Variants in DIPK1B observed in about 807,000 individuals in gnomAD.
The protein encoded by DIPK1B is divergent protein kinase domain 1B.
A neutral mutation model predicts 20.7 loss-of-function variants in DIPK1B; 17 were observed. The observed-to-expected ratio is 0.82, with a 90% CI of 0.56 to 1.23. The LOEUF (loss-of-function observed/expected upper bound fraction) is 1.23. DIPK1B is among the 50% of genes most tolerant of loss of function. The pLI is 0.00. For missense variants in DIPK1B, 648 were observed against 601.8 expected (o/e 1.08, Z -0.80); for synonymous variants, 343 against 276.5 (o/e 1.24, Z -2.39).
chr9:136,723,744 G>A lies in DIPK1B; in HGVS notation c.1266G>A (p.Trp422Ter). 1.3e-6 allele frequency: 2 copies of A among 1,534,690 alleles called. No individual in the cohort carries two copies. Among genetic ancestry groups the A allele is most frequent in the African/African-American group, 1.4e-5 (1 of 73,106 alleles). ...LVLSHLKTLL[W>*]KKISNTKYS ...TCAGCCACCTCAAGACTCTGCTCTG[G>A]AAGAAGATCTCCAACACCAAGTACT... Residue 422 changes from tryptophan (W) to a stop codon, truncating the protein, a stop_gained, in exon 5 of 5, where the codon TGG becomes TGA. Coordinates refer to ENST00000371692, the MANE Select transcript of DIPK1B (RefSeq NM_152421.4). LOFTEE classifies it high-confidence loss of function.
intron 2 of DIPK1B, among the ~76,000 whole-genome samples, chr9:136,719,223 G>T (rs1166286483): frequency 6.6e-6 from 1 of 152,142 alleles, no homozygotes; most frequent in South Asian, 2.1e-4. Flanking sequence ...GTGCCGGGCC[G>T]CAAAGCAGGA....
At chr9:136,715,758 C>T (rs938432158) in intron 1 of DIPK1B, among the ~76,000 whole-genome samples, 2 of 152,174 alleles carry the variant, frequency 1.3e-5, no homozygotes, top group South Asian at 2.1e-4. Context: ...AGGTGATCTG[C>T]CTGCCTCGGC....
Position 136,712,839 on chromosome 9 carries a change from G to T in DIPK1B, c.63+111G>T. Reference sequence around the variant, plus strand: ...GGGGCCCCGGGTTCGGACACGAAGGGTTCATGAGCCCGGGGTGGGCAGCGG... The same window carrying T: ...GGGGCCCCGGGTTCGGACACGAAGGTTTCATGAGCCCGGGGTGGGCAGCGG... On this transcript the variant is annotated intron_variant, in intron 1 of 4. Coordinates refer to ENST00000371692, the MANE Select transcript of DIPK1B (RefSeq NM_152421.4). The surrounding 1 kb of genome is among the most constrained non-coding windows in gnomAD (Gnocchi z 5.6). 1.6e-6 allele frequency: 1 copy of T among 639,236 alleles called. No individual in the cohort carries two copies. Among genetic ancestry groups the T allele is most frequent in the Non-Finnish European group, 2.2e-6 (1 of 464,784 alleles). 39.6% of individuals were successfully genotyped at this position (639,236 alleles called of 1,614,324 possible).
rs765749116 is a variant in DIPK1B, at chr9:136,723,099, G to A, written c.621G>A (p.Leu207=). The change falls in exon 5 of 5, where the codon CTG becomes CTA. Residue 207 remains leucine (L), a synonymous_variant. Coordinates refer to ENST00000371692, the MANE Select transcript of DIPK1B (RefSeq NM_152421.4). ...CCCTGCTGCAGCGTAACGAGTTCCTGCTGCTGCTGTCCCTGCAGGAGAAGG... is the reference window on the plus strand; with the variant it reads ...CCCTGCTGCAGCGTAACGAGTTCCTACTGCTGCTGTCCCTGCAGGAGAAGG... ...VWALLQRNEF[L]LLLSLQEKEH... 1.2e-6 allele frequency: 2 copies of A among 1,613,518 alleles called. No homozygotes were observed. Among genetic ancestry groups the A allele is most frequent in the Non-Finnish European group, 1.7e-6 (2 of 1,180,004 alleles).
At position 136,717,719 on chromosome 9, in the gene DIPK1B, T is replaced by C; in HGVS notation, c.198+8T>C. 6.2e-7 allele frequency: 1 copy of C among 1,610,880 alleles called. No homozygotes were observed. Among genetic ancestry groups the C allele is most frequent in the Non-Finnish European group, 8.5e-7 (1 of 1,179,888 alleles). On this transcript the variant is annotated splice_region_variant and intron_variant, in intron 2 of 4. Coordinates refer to ENST00000371692, the MANE Select transcript of DIPK1B (RefSeq NM_152421.4). ...GTCTGCCAGGTGGTCATTGTAAGTG[T>C]TGCTTGTGCGGGCTGGGGACTGGGC...
rs774951699 is a variant in DIPK1B, at chr9:136,723,208, C to T, written c.730C>T (p.Leu244Phe). 11 of 1,612,338 alleles carry T rather than the reference C, an allele frequency of 6.8e-6. No individual in the cohort carries two copies. Among genetic ancestry groups the T allele is most frequent in the Non-Finnish European group, 9.3e-6 (11 of 1,179,776 alleles). The change falls in exon 5 of 5, where the codon CTT (leucine) becomes TTT (phenylalanine). Residue 244 changes from leucine to phenylalanine, a missense_variant. By Grantham distance (22) the Leu-to-Phe change is conservative (BLOSUM62 0). Coordinates refer to ENST00000371692, the MANE Select transcript of DIPK1B (RefSeq NM_152421.4). Reference sequence around the variant, plus strand: ...GCATGGCGCCTGGCACGCGGCCGCCCTTCCACCCCTGTTGCGCCCACTGCT... The same window carrying T: ...GCATGGCGCCTGGCACGCGGCCGCCTTTCCACCCCTGTTGCGCCCACTGCT... Reference protein sequence around the residue: ...VPHGAWHAAALPPLLRPLLPP... With the variant: ...VPHGAWHAAAFPPLLRPLLPP...
intron 1 of DIPK1B, among the ~76,000 whole-genome samples, chr9:136,714,478 G>A (rs955106323): frequency 1.3e-5 from 2 of 152,132 alleles, no homozygotes; most frequent in Non-Finnish European, 2.9e-5. Flanking sequence ...TCAGCCCTAG[G>A]CCCGAGGCCA....
Position 136,723,292 on chromosome 9 carries a change from G to A in DIPK1B, c.814G>A (p.Ala272Thr), listed in dbSNP as rs1337105002. 3 of 1,612,492 alleles carry A rather than the reference G, an allele frequency of 1.9e-6. No homozygotes were observed. The highest frequency in any genetic ancestry group is 4.5e-5 in the East Asian group (2 of 44,882). Residue 272 changes from alanine (A) to threonine (T), a missense_variant, in exon 5 of 5, where the codon GCC becomes ACC. Physicochemically the swap from Ala to Thr is moderately conservative, Grantham distance 58. Coordinates refer to ENST00000371692, the MANE Select transcript of DIPK1B (RefSeq NM_152421.4). ...QWLGPAWPWR[A>T]KIAIGLLEFV... ...GCTGGGGCCTGCGTGGCCTTGGCGG[G>A]CCAAGATCGCCATCGGCCTGCTGGA... is the stretch of plus-strand genomic sequence containing the variant.
chr9:136,722,176 G>C lies in DIPK1B; in HGVS notation c.358G>C (p.Glu120Gln), dbSNP rs752676384. 3.1e-6 allele frequency: 5 copies of C among 1,613,926 alleles called. No individual in the cohort carries two copies. In the South Asian group the frequency reaches 5.5e-5, roughly 18 times the overall value. Residue 120 changes from glutamate to glutamine, a missense_variant, in exon 4 of 5, where the codon GAG (glutamate) becomes CAG (glutamine). Physicochemically the swap from Glu to Gln is conservative, Grantham distance 29. Transcript: ENST00000371692. ...GGATGTAACCATCAAGTGTGGCATT[G>C]AGGAGACCCTCGACTCCAAGGCCCG... Reference protein sequence around the residue: ...DKDVTIKCGIEETLDSKARSD... With the variant: ...DKDVTIKCGIQETLDSKARSD...
In DIPK1B at chr9:136,722,157, A is replaced by T. The variant is rs771531547; in HGVS notation, c.339A>T (p.Val113=). Residue 113 remains valine, a synonymous_variant, in exon 4 of 5, where the codon GTA becomes GTT. Transcript: ENST00000371692. The part of the protein sequence containing the change: ...VYSGLWRDKD[V]TIKCGIEETL... ...GCGGGCTCTGGCGGGACAAGGATGTAACCATCAAGTGTGGCATTGAGGAGA... is the reference window on the plus strand; with the variant it reads ...GCGGGCTCTGGCGGGACAAGGATGTTACCATCAAGTGTGGCATTGAGGAGA... The T allele has an allele frequency of 3.1e-6, 5 of 1,613,910 alleles. No individual in the cohort carries two copies. Among genetic ancestry groups the T allele is most frequent in the African/African-American group, 1.3e-5 (1 of 75,008 alleles).
rs1846519726 is a variant in DIPK1B, at chr9:136,717,691, C to T, written c.178C>T (p.His60Tyr). 1.2e-6 allele frequency: 2 copies of T among 1,611,148 alleles called. No individual in the cohort carries two copies. Among genetic ancestry groups the T allele is most frequent in the South Asian group, 1.1e-5 (1 of 91,090 alleles). ...YSSYSERCRG[H>Y]VCQVVICDQY... ...GTCCTACTCGGAGCGCTGTCGCGGC[C>T]ATGTCTGCCAGGTGGTCATTGTAAG... The change falls in exon 2 of 5, where the codon CAT becomes TAT. Residue 60 changes from histidine to tyrosine, a missense_variant. His to Tyr is a moderately conservative substitution (Grantham distance 83). Transcript: ENST00000371692.
intron 2 of DIPK1B, among the ~76,000 whole-genome samples, chr9:136,720,645 G>A (rs926780616): frequency 1.3e-5 from 2 of 152,202 alleles, no homozygotes; most frequent in Non-Finnish European, 2.9e-5. Flanking sequence ...TGGCTAAGGA[G>A]GGGGCCTGTG....
In DIPK1B at chr9:136,723,713, T is replaced by C. The variant is rs1019788421; in HGVS notation, c.1235T>C (p.Leu412Pro). 2.6e-6 allele frequency: 4 copies of C among 1,537,094 alleles called. No individual in the cohort carries two copies. In the African/African-American group the frequency reaches 5.5e-5, roughly 21 times the overall value. ...LASQVEAHHSLVLSHLKTLLW... is the reference protein window; with the variant it reads ...LASQVEAHHSPVLSHLKTLLW... ...AGCCAGGTGGAGGCCCATCACTCGC[T>C]GGTGCTCAGCCACCTCAAGACTCTG... Residue 412 changes from leucine (L) to proline (P), a missense_variant, in exon 5 of 5, where the codon CTG becomes CCG. Coordinates refer to ENST00000371692, the MANE Select transcript of DIPK1B (RefSeq NM_152421.4).
intron 2 of DIPK1B, among the ~76,000 whole-genome samples, chr9:136,720,215 C>T (rs911974263): frequency 6.6e-6 from 1 of 152,172 alleles, no homozygotes; most frequent in Non-Finnish European, 1.5e-5. Flanking sequence ...CCTTCATTTT[C>T]CTTTTCTGTC....
Position 136,723,042 on chromosome 9 carries a change from G to A in DIPK1B, c.564G>A (p.Arg188=), listed in dbSNP as rs778526405. 5.6e-6 allele frequency: 9 copies of A among 1,613,526 alleles called. No homozygotes were observed. The highest frequency in any genetic ancestry group is 7.6e-6 in the Non-Finnish European group (9 of 1,180,030). The change falls in exon 5 of 5, where the codon CGG becomes CGA. Residue 188 remains arginine (R), a synonymous_variant. Transcript: ENST00000371692. ...TGGCTGACTTCAACAAGGACAACCG[G>A]GTGTCCCTGGCGGAAGCCAAGTCCG... The part of the protein sequence containing the change: ...LLMADFNKDN[R]VSLAEAKSVW...
rs1163456432 is a variant in DIPK1B at position 136,712,752 on chromosome 9, C to T, written c.63+24C>T. On this transcript the variant is annotated intron_variant, in intron 1 of 4. Coordinates refer to ENST00000371692, the MANE Select transcript of DIPK1B (RefSeq NM_152421.4). The surrounding 1 kb of genome is among the most constrained non-coding windows in gnomAD (Gnocchi z 5.6). Reference sequence around the variant, plus strand: ...AGGTAAGCGCGGTGCGCGCCCGCCGCCCCCGGCCGCCTCTGCCTGGGGAGG... The same window carrying T: ...AGGTAAGCGCGGTGCGCGCCCGCCGTCCCCGGCCGCCTCTGCCTGGGGAGG... The T allele has an allele frequency of 3.8e-6, 5 of 1,317,060 alleles. No individual in the cohort carries two copies. The highest frequency in any genetic ancestry group is 3.1e-5 in the East Asian group (1 of 32,264). 81.6% of individuals were successfully genotyped at this position (1,317,060 alleles called of 1,614,324 possible).
intron 1 of DIPK1B, among the ~76,000 whole-genome samples, chr9:136,715,888 TG>T (rs1329181631): frequency 6.6e-6 from 1 of 152,162 alleles, no homozygotes; most frequent in Non-Finnish European, 1.5e-5. Context: ...CACAGTTTAG[TG>T]GTCACCTCCC....
chr9:136,721,993 T>TGGAGGA lies in DIPK1B; in HGVS notation c.272_277dup (p.Arg92_Thr93insArgArg). 1 of 1,611,006 alleles carries TGGAGGA rather than the reference T, an allele frequency of 6.2e-7. No homozygotes were observed. The highest frequency in any genetic ancestry group is 8.5e-7 in the Non-Finnish European group (1 of 1,179,514). On this transcript the variant is annotated inframe_insertion, in exon 3 of 5. Coordinates refer to ENST00000371692, the MANE Select transcript of DIPK1B (RefSeq NM_152421.4). Reference sequence around the variant, plus strand: ...CCTGTGTGAGCTGCATATGGTGGAGTGGAGGACCTGCCTCTCGGTGGCCCC... The same window carrying TGGAGGA: ...CCTGTGTGAGCTGCATATGGTGGAGTGGAGGAGGAGGACCTGCCTCTCGGTGGCCCC...
In DIPK1B at chr9:136,723,626, C is replaced by G. The variant is rs538049800; in HGVS notation, c.1148C>G (p.Ala383Gly). The G allele has an allele frequency of 6.3e-7, 1 of 1,577,974 alleles. No homozygotes were observed. Among genetic ancestry groups the G allele is most frequent in the African/African-American group, 1.3e-5 (1 of 74,320 alleles). ...LRGYLLPGAP[A>G]DLREELGTQL... The stretch of plus-strand genomic sequence containing the variant: ...GGCTACCTGCTGCCTGGCGCGCCCG[C>G]CGACCTCCGCGAGGAGCTGGGCACA... The change falls in exon 5 of 5, where the codon GCC (alanine) becomes GGC (glycine). Residue 383 changes from alanine (A) to glycine (G), a missense_variant. Physicochemically the swap from Ala to Gly is moderately conservative, Grantham distance 60. Transcript: ENST00000371692.
Sources: allele counts gnomAD v4.1 joint callset (sites outside exome capture counted in the v4.1 genomes callset), GRCh38; gene constraint gnomAD v4.1.1; non-coding constraint Gnocchi (gnomAD v3.1); transcripts MANE v1.5; gene names NCBI Gene and HGNC (gene_info 2026-07-23, HGNC 2026-07-21).